Variants in TSHZ2 observed in about 807,000 individuals in gnomAD.
The protein encoded by TSHZ2 is teashirt zinc finger homeobox 2.
In TSHZ2, 21 loss-of-function variants were observed where a neutral mutation model predicts 74.4. The ratio of observed to expected loss-of-function variants is 0.28; its 90% CI spans 0.20 to 0.41. The LOEUF (loss-of-function observed/expected upper bound fraction) is 0.41. Ranked by LOEUF, TSHZ2 falls within the 10% of genes least tolerant of loss-of-function variation. The pLI, the probability that TSHZ2 is intolerant of heterozygous loss-of-function variation, is 1.00. For missense variants in TSHZ2, 1,244 were observed against 1,293.5 expected (o/e 0.96, Z 0.59); for synonymous variants, 540 against 515.3 (o/e 1.05, Z -0.65).
chr20:53,089,341 T>TTTTA (rs370108566), intron 1 of TSHZ2, among the ~76,000 whole-genome samples: 11,151 of 129,148 alleles, frequency 0.086, 668 homozygotes, highest in Non-Finnish European at 0.13. Context: ...TTTTTTTTTT[T>TTTTA]ATTAAACAGA....
intron 1 of TSHZ2, among the ~76,000 whole-genome samples, chr20:53,237,557 T>C (rs1330317209): frequency 6.6e-6 from 1 of 151,916 alleles, no homozygotes; most frequent in African/African-American, 2.4e-5. Context: ...TTCTTCTACA[T>C]ACGAAAAATA....
intron 2 of TSHZ2, among the ~76,000 whole-genome samples, chr20:53,483,239 A>C (rs1353542644): frequency 7.9e-6 from 1 of 125,790 alleles, no homozygotes; most frequent in African/African-American, 3.1e-5. Context: ...AACATGGCAA[A>C]ACCCTGTCTG....
intron 1 of TSHZ2, among the ~76,000 whole-genome samples, chr20:53,024,741 G>A (rs910017098): frequency 6.6e-6 from 1 of 152,122 alleles, no homozygotes; most frequent in African/African-American, 2.4e-5. Flanking sequence ...GGAACAACAT[G>A]CAGTGTTTCG....
At chr20:53,421,849 A>T (rs1181392964) in intron 2 of TSHZ2, among the ~76,000 whole-genome samples, 2 of 151,504 alleles carry the variant, frequency 1.3e-5, no homozygotes, top group African/African-American at 4.9e-5. Flanking sequence ...TGCCCGGCGA[A>T]TTTTTGTATT....
intron 2 of TSHZ2, among the ~76,000 whole-genome samples, chr20:53,408,358 A>G (rs1982923552): frequency 6.6e-6 from 1 of 152,234 alleles, no homozygotes; most frequent in Admixed American, 6.5e-5. Flanking sequence ...TGAAAGACAC[A>G]GCATCTTTTG....
chr20:53,274,952 C>G (rs1259603157), intron 2 of TSHZ2, among the ~76,000 whole-genome samples: 1 of 152,188 alleles, frequency 6.6e-6, no homozygotes. Context: ...CCCATAAGCT[C>G]TTTCTGGTCT....
At chr20:53,468,015 A>AG in intron 2 of TSHZ2, among the ~76,000 whole-genome samples, 1 of 152,330 alleles carries the variant, frequency 6.6e-6, no homozygotes, top group Non-Finnish European at 1.5e-5. Context: ...GTAAAAGAAA[A>AG]AAAAATAACA....
At chr20:53,484,403 T>TA (rs1491042774) in intron 2 of TSHZ2, among the ~76,000 whole-genome samples, 3 of 131,966 alleles carry the variant, frequency 2.3e-5, no homozygotes, top group African/African-American at 8.8e-5. Context: ...TTTTTTTTTT[T>TA]AAGACAGAGT....
At chr20:53,249,373 G>C (rs1186390793) in intron 1 of TSHZ2, among the ~76,000 whole-genome samples, 2 of 152,182 alleles carry the variant, frequency 1.3e-5, no homozygotes, top group African/African-American at 2.4e-5. Flanking sequence ...CTGAGCACTG[G>C]GGAGGAGCAT....
chr20:53,036,348 T>C (rs1407020207), intron 1 of TSHZ2, among the ~76,000 whole-genome samples: 1 of 152,144 alleles, frequency 6.6e-6, no homozygotes, highest in Non-Finnish European at 1.5e-5. Context: ...ATGTTAAATG[T>C]TATAAAAATA....
At chr20:53,134,678 AC>A in intron 1 of TSHZ2, among the ~76,000 whole-genome samples, 1 of 152,334 alleles carries the variant, frequency 6.6e-6, no homozygotes, top group Non-Finnish European at 1.5e-5. Context: ...AGCTACACGG[AC>A]AACTCGGTGT....
At chr20:53,141,467 T>C (rs1220991856) in intron 1 of TSHZ2, among the ~76,000 whole-genome samples, 1 of 152,258 alleles carries the variant, frequency 6.6e-6, no homozygotes, top group Non-Finnish European at 1.5e-5. Context: ...GTAAATCCTG[T>C]AGCCGGCATT....
intron 1 of TSHZ2, among the ~76,000 whole-genome samples, chr20:53,041,463 C>T (rs777898202): frequency 1.3e-5 from 2 of 152,200 alleles, no homozygotes; most frequent in South Asian, 2.1e-4. Flanking sequence ...TTCTCTGATC[C>T]GCCAGTTCTG....
At chr20:53,160,595 C>G (rs1269258270) in intron 1 of TSHZ2, among the ~76,000 whole-genome samples, 1 of 151,892 alleles carries the variant, frequency 6.6e-6, no homozygotes, top group Non-Finnish European at 1.5e-5. Flanking sequence ...ATGACAAAAC[C>G]CTGTCCCTAC....
At chr20:53,432,267 C>T (rs1007532539) in intron 2 of TSHZ2, among the ~76,000 whole-genome samples, 1 of 152,134 alleles carries the variant, frequency 6.6e-6, no homozygotes, top group Non-Finnish European at 1.5e-5. Context: ...AGAATAATGG[C>T]CTCCAGTTCT....
chr20:52,988,652 G>A (rs1367858081), intron 1 of TSHZ2, among the ~76,000 whole-genome samples: 1 of 151,006 alleles, frequency 6.6e-6, no homozygotes, highest in Non-Finnish European at 1.5e-5. Context: ...TTTAAAACTT[G>A]AGCCTATGAA....
chr20:53,027,464 C>A (rs1356532952), intron 1 of TSHZ2, among the ~76,000 whole-genome samples: 2 of 152,008 alleles, frequency 1.3e-5, no homozygotes, highest in East Asian at 1.9e-4. Context: ...TGATGGCTAA[C>A]CCTGAGGCTG....
At chr20:53,431,477 AGAAG>A (rs1386549158) in intron 2 of TSHZ2, among the ~76,000 whole-genome samples, 1 of 151,512 alleles carries the variant, frequency 6.6e-6, no homozygotes, top group Non-Finnish European at 1.5e-5. Flanking sequence ...AAAAAGAAGA[AGAAG>A]AAGAAAAGAA....
intron 2 of TSHZ2, among the ~76,000 whole-genome samples, chr20:53,306,414 GGT>G (rs1270837220): frequency 6.6e-6 from 1 of 152,152 alleles, no homozygotes; most frequent in East Asian, 1.9e-4. Flanking sequence ...AGCAGAGAGA[GGT>G]GACAGTGCTG....
Sources: gnomAD v4.1 joint callset for allele counts (sites outside exome capture counted in the v4.1 genomes callset) on GRCh38, gnomAD v4.1.1 for gene constraint, MANE v1.5 for transcripts, NCBI Gene and HGNC (gene_info 2026-07-23, HGNC 2026-07-21) for gene names.